ADAM9: variants seen among roughly 807,000 people sequenced by gnomAD.
The protein encoded by ADAM9 is ADAM metallopeptidase domain 9.
In ADAM9, 54 loss-of-function variants were observed where a neutral mutation model predicts 108.1. That is an observed-to-expected ratio of 0.50 (90% CI 0.40 to 0.63). The LOEUF is 0.63. Among genes scored for constraint, ADAM9 ranks in the 20% least tolerant of loss-of-function variants. The pLI, the probability that ADAM9 is intolerant of heterozygous loss-of-function variation, is 0.00. For synonymous variants in ADAM9, 316 were observed against 336.0 expected, an observed-to-expected ratio of 0.94 and a Z score of 0.65; for missense variants, 830 against 997.7, an observed-to-expected ratio of 0.83 and a Z score of 2.26.
intron 15 of ADAM9, among the ~76,000 whole-genome samples, chr8:39,072,802 T>A (rs1838738290): frequency 6.6e-6 from 1 of 152,274 alleles, no homozygotes; most frequent in East Asian, 1.9e-4. Context: ...TGTTTGCTTC[T>A]TTTTCATAGA....
At chr8:39,020,583 ATATT>A (rs552392950) in intron 7 of ADAM9, among the ~76,000 whole-genome samples, 3 of 152,206 alleles carry the variant, frequency 2.0e-5, no homozygotes, top group Non-Finnish European at 4.4e-5. Context: ...AAAATTAGTC[ATATT>A]TATTTGGCTT....
chr8:39,079,255 C>T (rs1838943847), intron 16 of ADAM9, among the ~76,000 whole-genome samples: 1 of 152,170 alleles, frequency 6.6e-6, no homozygotes, highest in Non-Finnish European at 1.5e-5. Context: ...CAGGTGTAAC[C>T]AGCATGCCTG....
At chr8:39,094,225 T>C (rs571266770) in intron 20 of ADAM9, among the ~76,000 whole-genome samples, 10 of 152,238 alleles carry the variant, frequency 6.6e-5, no homozygotes, top group Non-Finnish European at 1.2e-4. Flanking sequence ...AATGTTGTTA[T>C]TTATTGATTT....
rs767216866 is a variant in ADAM9 at position 39,017,291 on chromosome 8, C to A, written c.483C>A (p.Ile161=). The part of the protein sequence containing the change: ...PLQNSSHFEH[I]IYRMDDVYKE... Reference sequence around the variant, plus strand: ...AGAACAGCTCTCATTTTGAGCACATCATTTATCGAATGGATGATGTCTACA... The same window carrying A: ...AGAACAGCTCTCATTTTGAGCACATAATTTATCGAATGGATGATGTCTACA... Residue 161 remains isoleucine, a synonymous_variant, in exon 6 of 22, where the codon ATC becomes ATA. Coordinates refer to ENST00000487273, the MANE Select transcript of ADAM9 (RefSeq NM_003816.3). 2.5e-6 allele frequency: 4 copies of A among 1,613,972 alleles called. No homozygotes were observed. In the African/African-American group the frequency reaches 4.0e-5, roughly 16 times the overall value.
intron 16 of ADAM9, among the ~76,000 whole-genome samples, chr8:39,078,901 C>A (rs1449250438): frequency 1.3e-5 from 2 of 152,122 alleles, no homozygotes; most frequent in Non-Finnish European, 2.9e-5. Flanking sequence ...ATGCAAATCC[C>A]AGTTTCCCTG....
chr8:39,104,404 A>G lies in ADAM9; in HGVS notation c.*704A>G. On this transcript the variant is annotated 3_prime_UTR_variant, in exon 22 of 22. Transcript: ENST00000487273. ...CTTAGAGAAATTAATTTAATATTAG[A>G]ATTTCTATTATGAATCATGTGAAAG... 3 of 435,472 alleles carry G rather than the reference A, an allele frequency of 6.9e-6. No homozygotes were observed. The highest frequency in any genetic ancestry group is 3.3e-5 in the South Asian group (2 of 59,782). 27.0% of individuals were successfully genotyped at this position (435,472 alleles called of 1,614,324 possible).
intron 12 of ADAM9, among the ~76,000 whole-genome samples, chr8:39,044,126 G>A (rs1837538198): frequency 6.6e-6 from 1 of 152,056 alleles, no homozygotes; most frequent in Non-Finnish European, 1.5e-5. Flanking sequence ...GGCTTCTGTT[G>A]CCTGTAATTT....
chr8:39,021,580 G>C (rs377013691), intron 7 of ADAM9, 63 bp from the exon 8 acceptor site: 1 of 1,451,148 alleles, frequency 6.9e-7, no homozygotes, highest in Non-Finnish European at 9.7e-7. Flanking sequence ...TACTGCACCC[G>C]GCCTTACATT....
At chr8:39,002,935 T>A (rs908406562) in intron 1 of ADAM9, among the ~76,000 whole-genome samples, 1 of 151,796 alleles carries the variant, frequency 6.6e-6, no homozygotes, top group African/African-American at 2.4e-5. Context: ...CCTCCTGGGC[T>A]AAAGTGGTTC....
chr8:39,019,039 A>G (rs1836646007), intron 7 of ADAM9, 121 bp downstream of exon 7: 1 of 1,038,650 alleles, frequency 9.6e-7, no homozygotes. Flanking sequence ...TGATTTTAAA[A>G]CTAAAATGGT....
At chr8:39,087,610 T>C (rs1461807989) in intron 18 of ADAM9, among the ~76,000 whole-genome samples, 2 of 152,236 alleles carry the variant, frequency 1.3e-5, no homozygotes, top group Non-Finnish European at 2.9e-5. Flanking sequence ...GAATAATCCT[T>C]TTTATGGTTC....
rs1588324200 is a variant in ADAM9, at chr8:39,007,892, A to C, written c.104A>C (p.Gln35Pro). 11 of 1,610,084 alleles carry C rather than the reference A, an allele frequency of 6.8e-6. No homozygotes were observed. The highest frequency in any genetic ancestry group is 9.3e-6 in the Non-Finnish European group (11 of 1,177,396). Residue 35 changes from glutamine to proline, a missense_variant, in exon 2 of 22, where the codon CAA becomes CCA. Gln to Pro is a moderately conservative substitution (Grantham distance 76). Around this residue, in one of 3 missense-constraint regions of ADAM9, gnomAD observed 211 missense variants for 222.2 expected, o/e 0.95. Coordinates refer to ENST00000487273, the MANE Select transcript of ADAM9 (RefSeq NM_003816.3). ...PVLGAARPGF[Q>P]QTSHLSSYEI... The stretch of plus-strand genomic sequence containing the variant: ...GTTTTTGCCTTTTCTGTAGGCTTTC[A>C]ACAGACCTCACATCTTTCTTCTTAT...
Position 39,054,507 on chromosome 8 carries a change from A to C in ADAM9, c.1329A>C (p.Glu443Asp). 6.2e-7 allele frequency: 1 copy of C among 1,612,184 alleles called. No individual in the cohort carries two copies. The highest frequency in any genetic ancestry group is 8.5e-7 in the Non-Finnish European group (1 of 1,178,962). ...PKECELDPCC[E>D]GSTCKLKSFA... ...AATGTGAATTGGACCCTTGCTGCGA[A>C]GGAAGTACCTGTAAGCTTAAATCAT... Residue 443 changes from glutamate (E) to aspartate (D), a missense_variant, in exon 13 of 22, where the codon GAA (glutamate) becomes GAC (aspartate). Transcript: ENST00000487273.
At chr8:39,018,986 A>C in intron 7 of ADAM9, 68 bp downstream of exon 7, 5 of 1,350,608 alleles carry the variant, frequency 3.7e-6, no homozygotes, top group South Asian at 2.3e-5. Flanking sequence ...TTAATGAAGG[A>C]AATCTAAACT....
At position 39,013,963 on chromosome 8, in the gene ADAM9, A is replaced by T. The variant is rs766421346; in HGVS notation, c.255-2A>T. On this transcript the variant is annotated splice_acceptor_variant, in intron 3 of 21. Transcript: ENST00000487273. LOFTEE classifies it high-confidence loss of function. ...ATAAACGGTGTTTTATTTCTCTTCC[A>T]GAGACCTTTTGCCTGAAGATTTTGT... is the stretch of plus-strand genomic sequence containing the variant. 2.5e-6 allele frequency: 4 copies of T among 1,612,030 alleles called. 1 individual carries two copies. The South Asian group carries it at 4.4e-5, about 18-fold the overall frequency.
At chr8:39,072,429 A>T (rs1445121116) in intron 15 of ADAM9, among the ~76,000 whole-genome samples, 1 of 152,240 alleles carries the variant, frequency 6.6e-6, no homozygotes, top group South Asian at 2.1e-4. Flanking sequence ...TTCATACAAT[A>T]GTACTTGACC....
chr8:39,032,115 T>C (rs1013401007), intron 11 of ADAM9, among the ~76,000 whole-genome samples: 3 of 152,238 alleles, frequency 2.0e-5, no homozygotes, highest in African/African-American at 7.2e-5. Flanking sequence ...CCAGTTAGGC[T>C]ACATGGGTGT....
At position 39,017,434 on chromosome 8, in the gene ADAM9, C is replaced by T. The variant is rs1429750313; in HGVS notation, c.606+20C>T. The T allele has an allele frequency of 1.2e-6, 2 of 1,606,628 alleles. No individual in the cohort carries two copies. Among genetic ancestry groups the T allele is most frequent in the African/African-American group, 1.3e-5 (1 of 74,632 alleles). On this transcript the variant is annotated intron_variant, in intron 6 of 21. Coordinates refer to ENST00000487273, the MANE Select transcript of ADAM9 (RefSeq NM_003816.3). ...CTTCGAGTAAGGAAATAACATAATT[C>T]TTCATGGCTCAGACTACCATTTTAG... is the stretch of plus-strand genomic sequence containing the variant.
chr8:39,071,150 A>G, intron 14 of ADAM9, 148 bp from the exon 15 acceptor site: 2 of 636,370 alleles, frequency 3.1e-6, no homozygotes, highest in South Asian at 2.0e-5. Context: ...AAAATGTATC[A>G]TGTGTGAGGC....
Sources: gnomAD v4.1 joint callset for allele counts (sites outside exome capture counted in the v4.1 genomes callset) on GRCh38, gnomAD v4.1.1 for gene constraint, gnomAD v4.1.1 regional missense constraint, MANE v1.5 for transcripts, NCBI Gene and HGNC (gene_info 2026-07-23, HGNC 2026-07-21) for gene names.